The following RASGRP3 variants were observed in gnomAD, a reference collection of about 807,000 sequenced individuals.
RASGRP3 encodes the protein RAS guanyl releasing protein 3, also known as ras guanyl-releasing protein 3.
In RASGRP3, 54 loss-of-function variants were observed where a neutral mutation model predicts 82.7. The ratio of observed to expected loss-of-function variants is 0.65; its 90% confidence interval spans 0.52 to 0.82. The LOEUF is 0.82. Among genes scored for constraint, RASGRP3 ranks in the 40% least tolerant of loss-of-function variants. RASGRP3 has a pLI of 0.00. For synonymous variants in RASGRP3, 309 were observed against 300.5 expected, an observed-to-expected ratio of 1.03 and a Z score of -0.29; for missense variants, 861 against 828.9, an observed-to-expected ratio of 1.04 and a Z score of -0.48.
intron 14 of RASGRP3, among the ~76,000 whole-genome samples, chr2:33,551,410 G>T (rs780519086): frequency 6.6e-6 from 1 of 152,200 alleles, no homozygotes; most frequent in African/African-American, 2.4e-5. Context: ...GGATGGGGCC[G>T]TGCATAACAC....
chr2:33,483,899 G>A (rs763065555), intron 1 of RASGRP3, among the ~76,000 whole-genome samples: 3 of 152,048 alleles, frequency 2.0e-5, no homozygotes, highest in East Asian at 1.9e-4. Context: ...TGGGGTGTTT[G>A]TACTATGCTA....
chr2:33,549,119 G>A (rs935385846), intron 13 of RASGRP3, among the ~76,000 whole-genome samples: 1 of 152,136 alleles, frequency 6.6e-6, no homozygotes, highest in African/African-American at 2.4e-5. Context: ...CGCAGTGAAT[G>A]GGCTATGAGC....
intron 1 of RASGRP3, among the ~76,000 whole-genome samples, chr2:33,439,693 G>A (rs1175948742): frequency 6.6e-6 from 1 of 152,300 alleles, no homozygotes; most frequent in East Asian, 1.9e-4. Context: ...GGAACTGAGA[G>A]TCAGCCAGCT....
intron 12 of RASGRP3, among the ~76,000 whole-genome samples, chr2:33,540,556 TTGTGTGTGTGTGTG>T (rs377215232): frequency 1.6e-4 from 6 of 38,654 alleles, no homozygotes; most frequent in East Asian, 1.2e-3. Context: ...TGTGTGTGTT[TTGTGTGTGTGTGTG>T]TGTGTGTGTG....
chr2:33,453,264 C>T (rs7559441), intron 2 of RASGRP3, among the ~76,000 whole-genome samples: 120,427 of 152,110 alleles, frequency 0.79, 47,871 homozygotes, highest in Middle Eastern at 0.84. Context: ...ACATTATCTA[C>T]CTTTGTTTCC....
At chr2:33,510,677 C>T (rs958255737) in intron 1 of RASGRP3, among the ~76,000 whole-genome samples, 6 of 152,186 alleles carry the variant, frequency 3.9e-5, no homozygotes, top group African/African-American at 1.4e-4. Context: ...TCCCTGAGCA[C>T]TCAGCGTTCT....
chr2:33,519,956 C>T lies in RASGRP3; in HGVS notation c.178C>T (p.Arg60Ter), dbSNP rs757730510. The T allele has an allele frequency of 2.5e-6, 4 of 1,608,622 alleles. No individual in the cohort carries two copies. The highest frequency in any genetic ancestry group is 1.3e-5 in the African/African-American group (1 of 74,826). The change falls in exon 5 of 18, where the codon CGA (arginine) becomes TGA (stop). Residue 60 changes from arginine to a stop codon, truncating the protein, a stop_gained. Transcript: ENST00000403687. LOFTEE classifies it high-confidence loss of function. ...ELAEKLLCMYRNATGESCNEF... is the reference protein window; with the variant it reads ...ELAEKLLCMY Reference sequence around the variant, plus strand: ...TTTTTTCTTTAACTGGTTTACGTATCGAAATGCCACTGGAGAAAGCTGCAA... The same window carrying T: ...TTTTTTCTTTAACTGGTTTACGTATTGAAATGCCACTGGAGAAAGCTGCAA...
intron 4 of RASGRP3, among the ~76,000 whole-genome samples, chr2:33,518,362 T>A (rs1392060513): frequency 6.6e-6 from 1 of 152,090 alleles, no homozygotes; most frequent in Non-Finnish European, 1.5e-5. Context: ...AGATAAAAAG[T>A]GGTACACCTG....
chr2:33,560,550 A>G (rs984732741), intron 17 of RASGRP3, among the ~76,000 whole-genome samples: 2 of 152,236 alleles, frequency 1.3e-5, no homozygotes, highest in African/African-American at 4.8e-5. Context: ...TTAAACAAAC[A>G]GATTCTCCTG....
chr2:33,527,494 C>A (rs1672697473), intron 10 of RASGRP3, 82 bp downstream of exon 10: 7 of 1,389,594 alleles, frequency 5.0e-6, no homozygotes, highest in Non-Finnish European at 9.7e-7. Context: ...TGTGTGCCAG[C>A]AATTCATTCT....
At chr2:33,532,756 T>C (rs1028798131) in intron 10 of RASGRP3, 2 of 152,184 alleles carry the variant, frequency 1.3e-5, no homozygotes, top group Non-Finnish European at 2.9e-5. Flanking sequence ...TGTGACAAAG[T>C]GCAGGTAAAA....
At chr2:33,484,859 G>T (rs922951690) in intron 1 of RASGRP3, among the ~76,000 whole-genome samples, 4 of 152,264 alleles carry the variant, frequency 2.6e-5, no homozygotes, top group Admixed American at 6.5e-5. Flanking sequence ...CAAAGTAGGT[G>T]CCTTTTTCAT....
chr2:33,454,068 A>G (rs1377878820), intron 2 of RASGRP3, among the ~76,000 whole-genome samples: 2 of 151,886 alleles, frequency 1.3e-5, no homozygotes, highest in African/African-American at 4.8e-5. Flanking sequence ...TTTTTTTAAA[A>G]GCCATACATA....
At chr2:33,478,967 G>A (rs907465120) in intron 1 of RASGRP3, among the ~76,000 whole-genome samples, 9 of 152,052 alleles carry the variant, frequency 5.9e-5, no homozygotes, top group Admixed American at 5.9e-4. Context: ...TTGACCATAC[G>A]TAACACAGAC....
At chr2:33,549,533 G>C in intron 13 of RASGRP3, 71 bp from the exon 14 acceptor site, 2 of 1,440,186 alleles carry the variant, frequency 1.4e-6, no homozygotes, top group Non-Finnish European at 1.9e-6. Flanking sequence ...GGAGGTGGGT[G>C]ATTAAAGTGT....
chr2:33,519,026 TAAC>T (rs1252505005), intron 4 of RASGRP3, among the ~76,000 whole-genome samples: 29 of 152,336 alleles, frequency 1.9e-4, no homozygotes, highest in African/African-American at 7.0e-4. Context: ...CATAAACCAA[TAAC>T]AGTCATTTAT....
At chr2:33,558,582 C>G (rs915420095) in intron 16 of RASGRP3, 90 bp from the exon 17 acceptor site, 1 of 1,229,770 alleles carries the variant, frequency 8.1e-7, no homozygotes, top group East Asian at 2.4e-5. Flanking sequence ...TAGAATGTTG[C>G]ATGCCAGACT....
intron 13 of RASGRP3, among the ~76,000 whole-genome samples, chr2:33,544,323 A>C (rs1316005474): frequency 2.0e-5 from 3 of 152,206 alleles, no homozygotes; most frequent in Non-Finnish European, 4.4e-5. Flanking sequence ...CAAAAAAAAA[A>C]AACTCACTTA....
At chr2:33,501,947 G>A (rs1014844847) in intron 1 of RASGRP3, among the ~76,000 whole-genome samples, 9 of 152,188 alleles carry the variant, frequency 5.9e-5, no homozygotes, top group African/African-American at 2.2e-4. Flanking sequence ...GAGCTTAGCG[G>A]GTGTAATGAC....
Sources: allele counts gnomAD v4.1 joint callset (sites outside exome capture counted in the v4.1 genomes callset), GRCh38; gene constraint gnomAD v4.1.1; transcripts MANE v1.5; gene names NCBI Gene and HGNC (gene_info 2026-07-23, HGNC 2026-07-21).